The following SH2B3 variants were observed in gnomAD, a reference collection of about 807,000 sequenced individuals.
SH2B3 encodes the protein SH2B adaptor protein 3, also known as SH2B adapter protein 3.
Under a neutral mutation model 51.9 loss-of-function variants are expected in SH2B3, and 43 were observed. The ratio of observed to expected loss-of-function variants is 0.83; its 90% confidence interval spans 0.65 to 1.07. SH2B3 has a LOEUF of 1.07. Among genes scored for constraint, SH2B3 ranks in the 50% least tolerant of loss-of-function variants. The pLI is 0.00. For synonymous variants in SH2B3, 396 were observed against 376.0 expected (o/e 1.05, Z -0.62); for missense variants, 952 against 834.3 (o/e 1.14, Z -1.74).
chr12:111,443,216 G>A (rs1168379373), intron 2 of SH2B3, among the ~76,000 whole-genome samples: 2 of 152,224 alleles, frequency 1.3e-5, no homozygotes, highest in Non-Finnish European at 2.9e-5. Context: ...TCAGGTAGGC[G>A]GGAGTCAGGG....
At chr12:111,441,753 AAGC>A (rs1873429671) in intron 2 of SH2B3, among the ~76,000 whole-genome samples, 1 of 152,154 alleles carries the variant, frequency 6.6e-6, no homozygotes. Context: ...TAATGGAGCT[AAGC>A]AGCAGCATTC....
intron 1 of SH2B3, among the ~76,000 whole-genome samples, chr12:111,414,552 T>C (rs1870936374): frequency 6.6e-6 from 1 of 150,734 alleles, no homozygotes; most frequent in African/African-American, 2.4e-5. Context: ...ATTATGCCAC[T>C]GCACTCCAGC....
chr12:111,428,789 C>T (rs1459925877), intron 2 of SH2B3, among the ~76,000 whole-genome samples: 1 of 152,078 alleles, frequency 6.6e-6, no homozygotes. Flanking sequence ...ACAGGAGGGC[C>T]GTGCCCGTCC....
In SH2B3 at chr12:111,448,162, C is replaced by T. The variant is rs772489412; in HGVS notation, c.1588C>T (p.Pro530Ser). 6.2e-7 allele frequency: 1 copy of T among 1,614,164 alleles called. No homozygotes were observed. Among genetic ancestry groups the T allele is most frequent in the Non-Finnish European group, 8.5e-7 (1 of 1,180,026 alleles). ...CCCCGAGCAGATCTTCCACCTGGTGCCTTCGCCCGAAGAACTGGCCAACAG... is the reference window on the plus strand; with the variant it reads ...CCCCGAGCAGATCTTCCACCTGGTGTCTTCGCCCGAAGAACTGGCCAACAG... ...SPPEQIFHLV[P>S]SPEELANSLQ... The change falls in exon 8 of 8, where the codon CCT becomes TCT. Residue 530 changes from proline (P) to serine (S), a missense_variant. By Grantham distance (74) the Pro-to-Ser change is moderately conservative (BLOSUM62 -1). Coordinates refer to ENST00000341259, the MANE Select transcript of SH2B3 (RefSeq NM_005475.3).
chr12:111,411,492 T>C (rs1232174225), intron 1 of SH2B3, among the ~76,000 whole-genome samples: 1 of 152,038 alleles, frequency 6.6e-6, no homozygotes, highest in East Asian at 1.9e-4. Context: ...CCAGGGTGAT[T>C]AGATAGAGGA....
At chr12:111,443,404 C>T (rs1360986216) in intron 2 of SH2B3, 2 of 152,250 alleles carry the variant, frequency 1.3e-5, no homozygotes, top group Non-Finnish European at 1.5e-5. Context: ...TTTCCTAGCT[C>T]CCCCGCCCTT....
At position 111,447,967 on chromosome 12, in the gene SH2B3, T is replaced by C. The variant is rs1156242570; in HGVS notation, c.1409-16T>C. The C allele has an allele frequency of 1.3e-6, 2 of 1,591,362 alleles. No individual in the cohort carries two copies. The highest frequency in any genetic ancestry group is 1.7e-5 in the Admixed American group (1 of 59,198). On this transcript the variant is annotated splice_polypyrimidine_tract_variant and intron_variant, in intron 7 of 7. Transcript: ENST00000341259. ...TCAAGACTGATGGTGTGGTCTCTCT[T>C]GGTCACTTGTCCTAGGTTCCTGCAA...
chr12:111,436,424 A>AC (rs1461267839), intron 2 of SH2B3, among the ~76,000 whole-genome samples: 2 of 152,064 alleles, frequency 1.3e-5, no homozygotes, highest in Non-Finnish European at 2.9e-5. Flanking sequence ...CTCATAAGCC[A>AC]CTGTCCCCAG....
In SH2B3 at chr12:111,410,553, C is replaced by T. The variant is rs564671008; in HGVS notation, c.-28+4276C>T. ...CCTACCTCCTGAAACCTAGCTGGGG[C>T]GGTGGCTGGGATGTCAGGCTGGCGG... On this transcript the variant is annotated intron_variant, in intron 1 of 7. Transcript: ENST00000341259. This position sits in a 1 kb window ranked among gnomAD's most constrained non-coding sequence, Gnocchi z 4.9. Among the ~76,000 whole-genome samples, 2 of 152,266 alleles carry T rather than the reference C, an allele frequency of 1.3e-5. No individual in the cohort carries two copies. Among genetic ancestry groups the T allele is most frequent in the East Asian group, 1.9e-4 (1 of 5,172 alleles).
chr12:111,412,080 C>T (rs982723903), intron 1 of SH2B3, among the ~76,000 whole-genome samples: 2 of 152,172 alleles, frequency 1.3e-5, no homozygotes, highest in African/African-American at 2.4e-5. Flanking sequence ...ACCCTACAGT[C>T]GAAGCCTGAG....
intron 1 of SH2B3, among the ~76,000 whole-genome samples, chr12:111,417,001 A>T (rs190056525): frequency 2.5e-3 from 388 of 152,298 alleles, no homozygotes; most frequent in South Asian, 7.7e-3. Context: ...GTACACATAA[A>T]CATTAGTAGT....
intron 2 of SH2B3, chr12:111,443,685 G>A (rs1324572689): frequency 6.6e-6 from 1 of 152,262 alleles, no homozygotes; most frequent in African/African-American, 2.4e-5. Flanking sequence ...AGGCTACTCA[G>A]AGGGGACTGT....
At chr12:111,426,410 G>T (rs1422518244) in intron 2 of SH2B3, among the ~76,000 whole-genome samples, 2 of 144,154 alleles carry the variant, frequency 1.4e-5, no homozygotes, top group Non-Finnish European at 3.0e-5. Context: ...TTTGTTAAGA[G>T]AGATGGGGAT....
chr12:111,412,482 T>C (rs1001921606), intron 1 of SH2B3, among the ~76,000 whole-genome samples: 2 of 152,180 alleles, frequency 1.3e-5, no homozygotes, highest in Non-Finnish European at 2.9e-5. Flanking sequence ...CGAGCCTGAC[T>C]CCGAGGCTGG....
intron 2 of SH2B3, chr12:111,443,864 AG>A (rs1873667143): frequency 6.6e-6 from 1 of 152,274 alleles, no homozygotes; most frequent in Non-Finnish European, 1.5e-5. Context: ...AGGGTTGTAT[AG>A]GAAGTGGCAG....
At chr12:111,442,268 G>T (rs1873485691) in intron 2 of SH2B3, among the ~76,000 whole-genome samples, 1 of 152,120 alleles carries the variant, frequency 6.6e-6, no homozygotes, top group South Asian at 2.1e-4. Flanking sequence ...CCTGCTTACG[G>T]GCCCCCTATT....
chr12:111,414,612 G>A (rs1460885524), intron 1 of SH2B3, among the ~76,000 whole-genome samples: 1 of 151,292 alleles, frequency 6.6e-6, no homozygotes, highest in Non-Finnish European at 1.5e-5. Flanking sequence ...AAACATTGTC[G>A]ACTCTGCATG....
intron 2 of SH2B3, among the ~76,000 whole-genome samples, chr12:111,424,304 G>A (rs992840611): frequency 5.3e-5 from 8 of 152,048 alleles, no homozygotes; most frequent in Non-Finnish European, 2.9e-5. Flanking sequence ...CCATAGGGCT[G>A]TGTGTCTTGG....
At position 111,418,396 on chromosome 12, in the gene SH2B3, C is replaced by A; in HGVS notation, c.251C>A (p.Ala84Glu). Reference sequence around the variant, plus strand: ...TGCCGCGAGGTGCGCGACGGACGGGCGCCGGGCCGCGACTACCGGGACACA... The same window carrying A: ...TGCCGCGAGGTGCGCGACGGACGGGAGCCGGGCCGCGACTACCGGGACACA... ...YFCREVRDGR[A>E]PGRDYRDTGR... The change falls in exon 2 of 8, where the codon GCG becomes GAG. Residue 84 changes from alanine (A) to glutamate (E), a missense_variant. Ala to Glu is a moderately radical substitution (Grantham distance 107, BLOSUM62 -1). Transcript: ENST00000341259. The surrounding 1 kb of genome is among the most constrained non-coding windows in gnomAD (Gnocchi z 6.7). 1 of 1,495,976 alleles carries A rather than the reference C, an allele frequency of 6.7e-7. No homozygotes were observed. Among genetic ancestry groups the A allele is most frequent in the South Asian group, 1.2e-5 (1 of 80,758 alleles). The allele number at this position is 1,495,976 out of a possible 1,614,324, so 92.7% of individuals were successfully genotyped here.
Sources: gnomAD v4.1 joint callset for allele counts (sites outside exome capture counted in the v4.1 genomes callset) on GRCh38, gnomAD v4.1.1 for gene constraint, Gnocchi (gnomAD v3.1) non-coding constraint, MANE v1.5 for transcripts, NCBI Gene and HGNC (gene_info 2026-07-23, HGNC 2026-07-21) for gene names.